The following ACCS variants were observed in gnomAD, a reference collection of about 807,000 sequenced individuals.
The protein encoded by ACCS is 1-aminocyclopropane-1-carboxylate synthase-like protein 1.
Under a neutral mutation model 59.8 loss-of-function variants are expected in ACCS, and 42 were observed. The ratio of observed to expected loss-of-function variants is 0.70; its 90% CI spans 0.55 to 0.91. The LOEUF is 0.91. Among genes scored for constraint, ACCS ranks in the 40% least tolerant of loss-of-function variants. ACCS has a pLI of 0.00. For synonymous variants in ACCS, 230 were observed against 240.3 expected, an observed-to-expected ratio of 0.96 and a Z score of 0.40; for missense variants, 602 against 630.4, an observed-to-expected ratio of 0.95 and a Z score of 0.48.
intron 8 of ACCS, chr11:44,078,281 T>A: frequency 3.1e-6 from 1 of 324,564 alleles, no homozygotes. Context: ...CCTTGCTCAC[T>A]GTGGGGGGAG....
chr11:44,074,038 T>C (rs1207648132), intron 4 of ACCS, among the ~76,000 whole-genome samples: 1 of 152,156 alleles, frequency 6.6e-6, no homozygotes, highest in Non-Finnish European at 1.5e-5. Flanking sequence ...CCAAGACTGA[T>C]TGTAAAGCAC....
chr11:44,082,102 A>G (rs115322926), intron 12 of ACCS: 24 of 152,316 alleles, frequency 1.6e-4, no homozygotes, highest in African/African-American at 4.8e-4. Flanking sequence ...CCCACTCACT[A>G]TAGTAGCTAA....
In ACCS at chr11:44,083,555, C is replaced by A. The variant is rs930566715; in HGVS notation, c.1386C>A (p.Asp462Glu). Residue 462 changes from aspartate to glutamate, a missense_variant, in exon 14 of 15, where the codon GAC becomes GAA. Coordinates refer to ENST00000263776, the MANE Select transcript of ACCS (RefSeq NM_032592.4). Reference sequence around the variant, plus strand: ...GTTGGTTTCGCTTTGTCTTCTCAGACCAGGTCCACCGGCTTTGCCTGGGTG... The same window carrying A: ...GTTGGTTTCGCTTTGTCTTCTCAGAACAGGTCCACCGGCTTTGCCTGGGTG... ...EPGWFRFVFS[D>E]QVHRLCLGMQ... 1.2e-6 allele frequency: 2 copies of A among 1,614,132 alleles called. No individual in the cohort carries two copies. Among genetic ancestry groups the A allele is most frequent in the African/African-American group, 2.7e-5 (2 of 74,948 alleles).
chr11:44,078,719 C>T lies in ACCS; in HGVS notation c.768C>T (p.Pro256=). The T allele has an allele frequency of 1.2e-6, 2 of 1,614,090 alleles. No individual in the cohort carries two copies. Among genetic ancestry groups the T allele is most frequent in the East Asian group, 2.2e-5 (1 of 44,862 alleles). ...VKVKGLILIS[P]QNPLGDVYSP... is the part of the protein sequence containing the mutation. Reference sequence around the variant, plus strand: ...TCAAAGGCCTCATCCTCATCAGCCCCCAGAACCCTCTGGGTGATGTATACT... The same window carrying T: ...TCAAAGGCCTCATCCTCATCAGCCCTCAGAACCCTCTGGGTGATGTATACT... The change falls in exon 9 of 15, where the codon CCC becomes CCT. Residue 256 remains proline, a synonymous_variant. Coordinates refer to ENST00000263776, the MANE Select transcript of ACCS (RefSeq NM_032592.4).
chr11:44,077,425 G>C (rs751843634), intron 7 of ACCS, 49 bp downstream of exon 7: 7 of 1,610,480 alleles, frequency 4.3e-6, no homozygotes, highest in Admixed American at 3.3e-5. Flanking sequence ...CTGTGGTCAA[G>C]AGTTTCCTGG....
intron 4 of ACCS, 103 bp from the exon 5 acceptor site, chr11:44,074,509 G>T: frequency 1.1e-6 from 1 of 874,094 alleles, no homozygotes. Flanking sequence ...GGGAAATTAG[G>T]GAAGAGTGAT....
intron 9 of ACCS, chr11:44,079,284 A>G (rs1953526539): frequency 2.0e-5 from 10 of 494,426 alleles, no homozygotes; most frequent in East Asian, 7.1e-5. Flanking sequence ...TTGCCCCTCC[A>G]TGGAGGTGCC....
rs934188477 is a variant in ACCS, at chr11:44,077,223, G to T, written c.557-56G>T. Reference sequence around the variant, plus strand: ...AGAGGGACTGGGGACAGTGGACAGAGGGTCTGGGGTGTTCTGGCCAGAAAG... The same window carrying T: ...AGAGGGACTGGGGACAGTGGACAGATGGTCTGGGGTGTTCTGGCCAGAAAG... On this transcript the variant is annotated intron_variant, in intron 6 of 14. Transcript: ENST00000263776. The T allele has an allele frequency of 2.7e-5, 43 of 1,569,916 alleles. No individual in the cohort carries two copies. In the East Asian group the frequency reaches 9.7e-4, roughly 35 times the overall value.
At chr11:44,082,789 C>G (rs1281505247) in intron 12 of ACCS, among the ~76,000 whole-genome samples, 1 of 152,016 alleles carries the variant, frequency 6.6e-6, no homozygotes, top group African/African-American at 2.4e-5. Context: ...GTGAAGTTGC[C>G]CAAGGACCCA....
At chr11:44,067,506 G>A in intron 1 of ACCS, 122 bp from the exon 2 acceptor site, 1 of 1,022,728 alleles carries the variant, frequency 9.8e-7, no homozygotes, top group Non-Finnish European at 1.4e-6. Flanking sequence ...GAAGTGATGA[G>A]TGCATAAACC....
rs969295658 is a variant in ACCS at position 44,075,652 on chromosome 11, A to G, written c.556+60A>G. On this transcript the variant is annotated intron_variant, in intron 6 of 14. Coordinates refer to ENST00000263776, the MANE Select transcript of ACCS (RefSeq NM_032592.4). ...GCCTCATTGTGCTTGCAGGGTTCCC[A>G]GTTGCCTGGCCTCAAGGGCTGCAAT... 2.4e-5 allele frequency: 38 copies of G among 1,584,376 alleles called. No homozygotes were observed. The Admixed American group carries it at 6.2e-4, about 26-fold the overall frequency.
intron 2 of ACCS, among the ~76,000 whole-genome samples, chr11:44,069,954 A>T (rs1952973274): frequency 6.6e-6 from 1 of 152,228 alleles, no homozygotes; most frequent in Non-Finnish European, 1.5e-5. Context: ...CCATGCAGTT[A>T]TCTAGGGAAG....
chr11:44,071,501 A>G (rs1342548080), intron 3 of ACCS, 186 bp downstream of exon 3: 5 of 599,756 alleles, frequency 8.3e-6, no homozygotes, highest in Non-Finnish European at 1.5e-5. Flanking sequence ...TCCCCACTGT[A>G]GTCCTATTTC....
At chr11:44,081,390 C>CAT (rs1953635840) in intron 12 of ACCS, 70 bp downstream of exon 12, 1 of 1,583,952 alleles carries the variant, frequency 6.3e-7, no homozygotes, top group Non-Finnish European at 8.6e-7. Flanking sequence ...AGCCAGGAAT[C>CAT]ATAGATACTT....
intron 8 of ACCS, 136 bp downstream of exon 8, chr11:44,078,058 C>A: frequency 8.6e-7 from 1 of 1,169,172 alleles, no homozygotes; most frequent in Non-Finnish European, 1.2e-6. Flanking sequence ...AGGGTGGTAG[C>A]ACAGAATTAT....
rs1952853823 is a variant in ACCS, at chr11:44,067,663, C to T, written c.36C>T (p.Pro12=). ...TTCCTCAAAAGGACTTCAGGGCTCC[C>T]ACCACCTGTCTGGGCCCCACCTGCA... ...FTLPQKDFRA[P]TTCLGPTCMQ... Residue 12 remains proline, a synonymous_variant, in exon 2 of 15, where the codon CCC becomes CCT. Coordinates refer to ENST00000263776, the MANE Select transcript of ACCS (RefSeq NM_032592.4). 1.2e-6 allele frequency: 2 copies of T among 1,613,402 alleles called. No individual in the cohort carries two copies. The highest frequency in any genetic ancestry group is 1.7e-5 in the Admixed American group (1 of 59,942).
chr11:44,075,391 GGC>G, intron 5 of ACCS, 133 bp from the exon 6 acceptor site: 1 of 850,026 alleles, frequency 1.2e-6, no homozygotes, highest in Non-Finnish European at 1.9e-6. Flanking sequence ...TCAGTCTAGT[GGC>G]TTTGTTGTGA....
At chr11:44,076,226 T>C (rs1040944283) in intron 6 of ACCS, among the ~76,000 whole-genome samples, 1 of 152,200 alleles carries the variant, frequency 6.6e-6, no homozygotes, top group African/African-American at 2.4e-5. Context: ...TAAGAATCAG[T>C]TGTGGTCAGG....
Position 44,071,250 on chromosome 11 carries a change from C to A in ACCS, c.289-6C>A, listed in dbSNP as rs373156903. On this transcript the variant is annotated splice_polypyrimidine_tract_variant and splice_region_variant and intron_variant, in intron 2 of 14. Coordinates refer to ENST00000263776, the MANE Select transcript of ACCS (RefSeq NM_032592.4). Reference sequence around the variant, plus strand: ...CTAACTCTGCCTCTGTACCTCTCATCTCCAGGGCATCATTAACTTGGGCAC... The same window carrying A: ...CTAACTCTGCCTCTGTACCTCTCATATCCAGGGCATCATTAACTTGGGCAC... 7 of 1,614,170 alleles carry A rather than the reference C, an allele frequency of 4.3e-6. No homozygotes were observed. The African/African-American group carries it at 9.3e-5, about 22-fold the overall frequency.
Sources: allele counts gnomAD v4.1 joint callset (sites outside exome capture counted in the v4.1 genomes callset), GRCh38; gene constraint gnomAD v4.1.1; transcripts MANE v1.5; gene names NCBI Gene and HGNC (gene_info 2026-07-23, HGNC 2026-07-21).